Variants in CACNA2D3 observed in about 807,000 individuals in gnomAD.
CACNA2D3 encodes voltage-dependent calcium channel subunit alpha-2/delta-3.
A neutral mutation model predicts 160.6 loss-of-function variants in CACNA2D3; 60 were observed. The observed-to-expected ratio is 0.37, with a 90% CI of 0.30 to 0.46. The LOEUF (loss-of-function observed/expected upper bound fraction) is 0.46, where lower values mean the gene tolerates loss of function less well. Among genes scored for constraint, CACNA2D3 ranks in the 20% least tolerant of loss-of-function variants. The pLI is 1.00. For missense variants in CACNA2D3, 1,205 were observed against 1,365.0 expected, an observed-to-expected ratio of 0.88 and a Z score of 1.85; for synonymous variants, 558 against 492.9, an observed-to-expected ratio of 1.13 and a Z score of -1.75.
intron 10 of CACNA2D3, chr3:54,634,652 AGGGGGTTTGTTCTCT>A (rs1699324147): frequency 6.6e-6 from 1 of 151,750 alleles, no homozygotes; most frequent in Non-Finnish European, 1.5e-5. Context: ...TTACAGTCAA[AGGGGGTTTGTTCTCT>A]GGCGGGTAGG....
rs371755487 is a variant in CACNA2D3 at position 54,816,354 on chromosome 3, G to A, written c.1381-499G>A. Among the ~76,000 whole-genome samples, 147 of 152,260 alleles carry A rather than the reference G, an allele frequency of 9.7e-4. 1 individual carries two copies. In the Middle Eastern group the frequency reaches 0.017, roughly 18 times the overall value. On this transcript the variant is annotated intron_variant, in intron 13 of 37. Coordinates refer to ENST00000474759, the MANE Select transcript of CACNA2D3 (RefSeq NM_018398.3). ...GGCTGGGCAGTTTGTTTTTGTGGGG[G>A]ACTGTCCTGTGCATTGTAAGATGTA...
At chr3:54,715,094 A>C (rs375195622) in intron 11 of CACNA2D3, among the ~76,000 whole-genome samples, 2 of 152,258 alleles carry the variant, frequency 1.3e-5, no homozygotes, top group East Asian at 3.9e-4. Flanking sequence ...GACTGCCCCT[A>C]CTTCAGAGGA....
At chr3:54,423,251 A>G (rs746592584) in intron 4 of CACNA2D3, among the ~76,000 whole-genome samples, 16 of 152,218 alleles carry the variant, frequency 1.1e-4, no homozygotes, top group Non-Finnish European at 1.9e-4. Flanking sequence ...TTTGTGTAAG[A>G]AAATTATTTG....
intron 4 of CACNA2D3, among the ~76,000 whole-genome samples, chr3:54,459,274 TG>T (rs2106836746): frequency 6.6e-6 from 1 of 150,790 alleles, no homozygotes; most frequent in African/African-American, 2.4e-5. Context: ...TATAGTCCTT[TG>T]GGTATATACC....
intron 4 of CACNA2D3, among the ~76,000 whole-genome samples, chr3:54,403,261 G>A (rs2106705882): frequency 1.3e-5 from 2 of 151,876 alleles, no homozygotes; most frequent in Admixed American, 1.3e-4. Flanking sequence ...AGGCTGAGGT[G>A]GAAGGGTGGC....
chr3:55,028,390 A>G (rs1703610212), intron 35 of CACNA2D3, among the ~76,000 whole-genome samples: 1 of 152,194 alleles, frequency 6.6e-6, no homozygotes, highest in East Asian at 1.9e-4. Context: ...TCTAACCAAT[A>G]ATTTTTGTCA....
At chr3:54,258,156 T>A (rs1702335313) in intron 2 of CACNA2D3, among the ~76,000 whole-genome samples, 1 of 152,212 alleles carries the variant, frequency 6.6e-6, no homozygotes, top group South Asian at 2.1e-4. Flanking sequence ...AGTTGGGGAT[T>A]TCTAGTACAC....
intron 13 of CACNA2D3, among the ~76,000 whole-genome samples, chr3:54,785,527 C>T (rs185097416): frequency 6.6e-6 from 1 of 152,306 alleles, no homozygotes; most frequent in Admixed American, 6.5e-5. Context: ...TATGTTTAGT[C>T]TAGCTATATG....
rs535400981 is a variant in CACNA2D3, at chr3:54,677,155, A to T, written c.1167+34914A>T. 2.6e-5 allele frequency among the ~76,000 whole-genome samples: 4 copies of T among 152,320 alleles called. No individual in the cohort carries two copies. The South Asian group carries it at 8.3e-4, about 32-fold the overall frequency. On this transcript the variant is annotated intron_variant, in intron 11 of 37. Coordinates refer to ENST00000474759, the MANE Select transcript of CACNA2D3 (RefSeq NM_018398.3). ...CAAGCTTTTTTTGTGCCCCCCAAAT[A>T]TGTAACTTTACTTGCTAAATTTAAA...
chr3:54,161,327 C>T (rs73085903), intron 2 of CACNA2D3, among the ~76,000 whole-genome samples: 6,055 of 152,280 alleles, frequency 0.04, 156 homozygotes, highest in South Asian at 0.092. Flanking sequence ...AGAAGCATGA[C>T]GGGCAAGTTG....
chr3:55,019,274 C>A (rs1703396734), intron 35 of CACNA2D3, among the ~76,000 whole-genome samples: 1 of 151,772 alleles, frequency 6.6e-6, no homozygotes, highest in Non-Finnish European at 1.5e-5. Context: ...CCTTATTCTT[C>A]TTCTAAGTTT....
chr3:54,757,008 T>G (rs1701984279), intron 12 of CACNA2D3, among the ~76,000 whole-genome samples: 2 of 152,098 alleles, frequency 1.3e-5, no homozygotes, highest in South Asian at 4.1e-4. Flanking sequence ...CACTGTAGAA[T>G]GGCTGGTGGA....
chr3:54,204,565 G>C (rs1008739898), intron 2 of CACNA2D3, among the ~76,000 whole-genome samples: 1 of 152,136 alleles, frequency 6.6e-6, no homozygotes, highest in Non-Finnish European at 1.5e-5. Flanking sequence ...GGGAGGCCAA[G>C]GTGGGCGGAT....
At chr3:54,959,179 G>A (rs1176943891) in intron 27 of CACNA2D3, among the ~76,000 whole-genome samples, 15 of 152,168 alleles carry the variant, frequency 9.9e-5, no homozygotes, top group Admixed American at 2.6e-4. Flanking sequence ...ATTGAGTCTC[G>A]TGTTCCACAA....
intron 13 of CACNA2D3, among the ~76,000 whole-genome samples, chr3:54,773,408 G>A (rs370053994): frequency 1.6e-4 from 24 of 152,284 alleles, no homozygotes; most frequent in African/African-American, 5.3e-4. Context: ...AGAGACACAC[G>A]TAAAGAGAAA....
chr3:55,044,734 A>G (rs951742299), intron 35 of CACNA2D3, among the ~76,000 whole-genome samples: 11 of 152,192 alleles, frequency 7.2e-5, no homozygotes, highest in African/African-American at 2.6e-4. Flanking sequence ...CATTAAGTCT[A>G]ATGTTTACTG....
intron 3 of CACNA2D3, among the ~76,000 whole-genome samples, chr3:54,322,052 G>T (rs917533895): frequency 6.6e-6 from 1 of 152,078 alleles, no homozygotes; most frequent in African/African-American, 2.4e-5. Context: ...TTTAGGTTCT[G>T]CTTCTACAAT....
At chr3:54,431,302 T>C (rs986914802) in intron 4 of CACNA2D3, among the ~76,000 whole-genome samples, 3 of 147,818 alleles carry the variant, frequency 2.0e-5, no homozygotes, top group African/African-American at 7.6e-5. Flanking sequence ...GTGTACAGCC[T>C]GGGTGACAGA....
intron 3 of CACNA2D3, among the ~76,000 whole-genome samples, chr3:54,335,529 C>T (rs1467775058): frequency 3.3e-5 from 5 of 152,182 alleles, no homozygotes; most frequent in African/African-American, 2.4e-5. Flanking sequence ...AGGTCACTCT[C>T]GTTGCCGTTT....
Sources: gnomAD v4.1 joint callset for allele counts (sites outside exome capture counted in the v4.1 genomes callset) on GRCh38, gnomAD v4.1.1 for gene constraint, MANE v1.5 for transcripts, NCBI Gene and HGNC (gene_info 2026-07-23, HGNC 2026-07-21) for gene names.